Variants in NEIL1 observed in about 807,000 individuals in gnomAD.
NEIL1 encodes nei like DNA glycosylase 1.
A neutral mutation model predicts 44.2 loss-of-function variants in NEIL1; 31 were observed. The ratio of observed to expected loss-of-function variants is 0.70; its 90% CI spans 0.53 to 0.95. The LOEUF (loss-of-function observed/expected upper bound fraction) is 0.95, where lower values mean the gene tolerates loss of function less well. Among genes scored for constraint, NEIL1 ranks in the 40% least tolerant of loss-of-function variants. The pLI, the probability that NEIL1 is intolerant of heterozygous loss-of-function variation, is 0.00. For synonymous variants in NEIL1, 254 were observed against 209.7 expected (o/e 1.21, Z -1.83); for missense variants, 549 against 515.5 (o/e 1.07, Z -0.63).
chr15:75,354,743 A>G lies in NEIL1; in HGVS notation c.1027A>G (p.Thr343Ala), dbSNP rs550360243. ...GACTGCAACCCAGCGGCCTGAGGGG[A>G]CCAGCCTCCAGCAGGACCCAGAAGC... is the stretch of plus-strand genomic sequence containing the variant. ...KRTATQRPEG[T>A]SLQQDPEAPT... The change falls in exon 9 of 10, where the codon ACC (threonine) becomes GCC (alanine). Residue 343 changes from threonine to alanine, a missense_variant. Thr to Ala is a moderately conservative substitution (Grantham distance 58). Transcript: ENST00000355059. 6.2e-7 allele frequency: 1 copy of G among 1,613,562 alleles called. No homozygotes were observed. Among genetic ancestry groups the G allele is most frequent in the East Asian group, 2.2e-5 (1 of 44,888 alleles).
At position 75,349,220 on chromosome 15, in the gene NEIL1, G is replaced by C. The variant is rs560411863; in HGVS notation, c.315G>C (p.Pro105=). ...RHAHLRFYTA[P]PGPRLALCFV... ...CCCACCTGCGCTTTTACACGGCCCC[G>C]CCTGGCCCCCGGCTCGCCCTATGTT... Residue 105 remains proline (P), a synonymous_variant, in exon 2 of 10, where the codon CCG becomes CCC. Transcript: ENST00000355059. 4.5e-5 allele frequency: 72 copies of C among 1,609,640 alleles called. No individual in the cohort carries two copies. The highest frequency in any genetic ancestry group is 4.5e-4 in the East Asian group (20 of 44,874).
chr15:75,349,216 C>T lies in NEIL1; in HGVS notation c.311C>T (p.Ala104Val). The T allele has an allele frequency of 1.2e-6, 2 of 1,609,022 alleles. No individual in the cohort carries two copies. Among genetic ancestry groups the T allele is most frequent in the South Asian group, 2.2e-5 (2 of 91,066 alleles). The change falls in exon 2 of 10, where the codon GCC (alanine) becomes GTC (valine). Residue 104 changes from alanine (A) to valine (V), a missense_variant. Coordinates refer to ENST00000355059, the MANE Select transcript of NEIL1 (RefSeq NM_024608.4). ...PRHAHLRFYT[A>V]PPGPRLALCF... is the part of the protein sequence containing the mutation. ...CATGCCCACCTGCGCTTTTACACGGCCCCGCCTGGCCCCCGGCTCGCCCTA... is the reference window on the plus strand; with the variant it reads ...CATGCCCACCTGCGCTTTTACACGGTCCCGCCTGGCCCCCGGCTCGCCCTA...
At chr15:75,353,393 T>TA (rs1168829540) in intron 5 of NEIL1, 3 of 340,758 alleles carry the variant, frequency 8.8e-6, no homozygotes, top group East Asian at 7.3e-5. Context: ...GGCTAATTGT[T>TA]AAAAATTTTT....
At chr15:75,353,360 T>TACA (rs1021581716) in intron 5 of NEIL1, 2 of 330,484 alleles carry the variant, frequency 6.1e-6, no homozygotes, top group African/African-American at 4.3e-5. Context: ...TAGCTAGGAC[T>TACA]ACAGGCTCAC....
In NEIL1 at chr15:75,354,368, C is replaced by A. The variant is rs1595868379; in HGVS notation, c.875-63C>A. On this transcript the variant is annotated intron_variant, in intron 7 of 9. Coordinates refer to ENST00000355059, the MANE Select transcript of NEIL1 (RefSeq NM_024608.4). ...CACCCTTCTCCACCCTATCCCCCTG[C>A]AACCCTGGGAGTCACCCCTGGGCAG... 4.7e-5 allele frequency: 76 copies of A among 1,611,564 alleles called. No homozygotes were observed. The East Asian group carries it at 1.6e-3, about 34-fold the overall frequency.
At position 75,354,266 on chromosome 15, in the gene NEIL1, T is replaced by TG; in HGVS notation, c.865dup (p.Ala289GlyfsTer20). On this transcript the variant is annotated frameshift_variant, in exon 7 of 10. Coordinates refer to ENST00000355059, the MANE Select transcript of NEIL1 (RefSeq NM_024608.4). LOFTEE classifies it high-confidence loss of function. ...CCATTTTAGGGGGATCCTGGACCGT[T>TG]GGCACCCAAAGGTAAGCTACTCCTA... 5.0e-6 allele frequency: 8 copies of TG among 1,614,138 alleles called. No individual in the cohort carries two copies. The highest frequency in any genetic ancestry group is 6.8e-6 in the Non-Finnish European group (8 of 1,180,000).
Position 75,355,164 on chromosome 15 carries a change from C to A in NEIL1, c.*130C>A. On this transcript the variant is annotated 3_prime_UTR_variant, in exon 10 of 10. Transcript: ENST00000355059. The stretch of plus-strand genomic sequence containing the variant: ...CTACGGCTGTTCCCTGCACAACTCT[C>A]ATGGTTTTAATTGTACCCCATCTTC... The A allele has an allele frequency of 4.3e-6, 3 of 705,652 alleles. No individual in the cohort carries two copies. The highest frequency in any genetic ancestry group is 7.1e-6 in the Non-Finnish European group (3 of 420,014). The allele number at this position is 705,652 out of a possible 1,614,324, so 43.7% of individuals were successfully genotyped here. A position where few individuals can be genotyped will look rare whatever the true frequency, so the allele number is the denominator to read the frequency against.
In NEIL1 at chr15:75,356,406, T is replaced by G; in HGVS notation, c.*1372T>G. 6.2e-7 allele frequency: 1 copy of G among 1,609,702 alleles called. No individual in the cohort carries two copies. Among genetic ancestry groups the G allele is most frequent in the Non-Finnish European group, 8.5e-7 (1 of 1,178,478 alleles). ...CTGGCAGAGCCAACAGGGGGAAGTTTAGGCTGTAGGCAGCTTGGATAACGC... is the reference window on the plus strand; with the variant it reads ...CTGGCAGAGCCAACAGGGGGAAGTTGAGGCTGTAGGCAGCTTGGATAACGC... On this transcript the variant is annotated 3_prime_UTR_variant, in exon 10 of 10. Transcript: ENST00000355059. The surrounding 1 kb of genome is among the most constrained non-coding windows in gnomAD (Gnocchi z 5.8).
intron 7 of NEIL1, 34 bp downstream of exon 7, chr15:75,354,311 C>T: frequency 6.2e-7 from 1 of 1,613,710 alleles, no homozygotes; most frequent in Non-Finnish European, 8.5e-7. Flanking sequence ...GCTAAGAGAG[C>T]AGAAAGGACT....
intron 5 of NEIL1, chr15:75,353,312 A>G: frequency 3.5e-6 from 1 of 287,818 alleles, no homozygotes; most frequent in Non-Finnish European, 7.0e-6. Flanking sequence ...ACTAGCCTCA[A>G]ACTGGGCTCA....
intron 3 of NEIL1, 42 bp downstream of exon 3, chr15:75,352,272 G>C: frequency 6.2e-7 from 1 of 1,614,174 alleles, no homozygotes; most frequent in Non-Finnish European, 8.5e-7. Flanking sequence ...GGTGGGCCAG[G>C]TGTGCCCACA....
At chr15:75,350,346 G>A (rs1218591643) in intron 2 of NEIL1, among the ~76,000 whole-genome samples, 1 of 152,226 alleles carries the variant, frequency 6.6e-6, no homozygotes, top group Admixed American at 6.5e-5. Flanking sequence ...ATAGGATAGG[G>A]GAATGAGAAA....
In NEIL1 at chr15:75,356,224, A is replaced by G; in HGVS notation, c.*1190A>G. Reference sequence around the variant, plus strand: ...GCGCTGGGGGCTGCTCTCCGCCTGCAGAGGAACACGTCTGGTGGGAGGGGC... The same window carrying G: ...GCGCTGGGGGCTGCTCTCCGCCTGCGGAGGAACACGTCTGGTGGGAGGGGC... On this transcript the variant is annotated 3_prime_UTR_variant, in exon 10 of 10. Coordinates refer to ENST00000355059, the MANE Select transcript of NEIL1 (RefSeq NM_024608.4). The surrounding 1 kb of genome is among the most constrained non-coding windows in gnomAD (Gnocchi z 5.8). The G allele has an allele frequency of 6.2e-7, 1 of 1,613,030 alleles. No individual in the cohort carries two copies. The highest frequency in any genetic ancestry group is 8.5e-7 in the Non-Finnish European group (1 of 1,179,768).
In NEIL1 at chr15:75,356,806, G is replaced by A; in HGVS notation, c.*1772G>A. The A allele has an allele frequency of 2.5e-6, 4 of 1,614,098 alleles. No homozygotes were observed. Among genetic ancestry groups the A allele is most frequent in the Non-Finnish European group, 3.4e-6 (4 of 1,180,028 alleles). On this transcript the variant is annotated 3_prime_UTR_variant, in exon 10 of 10. Transcript: ENST00000355059. The surrounding 1 kb of genome is among the most constrained non-coding windows in gnomAD (Gnocchi z 5.8). ...TACCCCACTTACAGCGAGAGGCTGA[G>A]GATGCTGCCTCGCACTGACGCGCCA... is the stretch of plus-strand genomic sequence containing the variant.
intron 2 of NEIL1, chr15:75,349,575 GGAAGCC>G: frequency 1.9e-6 from 1 of 538,444 alleles, no homozygotes; most frequent in Non-Finnish European, 3.3e-6. Context: ...CAGCACTTTG[GGAAGCC>G]GAGGCGGGCA....
intron 9 of NEIL1, 71 bp downstream of exon 9, chr15:75,354,889 G>C: frequency 2.5e-6 from 4 of 1,612,116 alleles, no homozygotes; most frequent in Non-Finnish European, 3.4e-6. Flanking sequence ...AGGAGCGCGT[G>C]TACAAAGGTG....
chr15:75,352,665 CTA>C lies in NEIL1; in HGVS notation c.684_685del (p.Cys229SerfsTer79), dbSNP rs753802123. ...TKLQNPDLLE[L>X]CHSVPKEVVQ... ...GCTGCAGAATCCAGACCTGCTGGAG[CTA>C]TGTCACTCAGTGCCCAAGGAAGTGG... is the stretch of plus-strand genomic sequence containing the variant. On this transcript the variant is annotated frameshift_variant, in exon 5 of 10. Coordinates refer to ENST00000355059, the MANE Select transcript of NEIL1 (RefSeq NM_024608.4). LOFTEE classifies it high-confidence loss of function. 2 of 1,613,146 alleles carry C rather than the reference CTA, an allele frequency of 1.2e-6. No individual in the cohort carries two copies. The highest frequency in any genetic ancestry group is 1.7e-6 in the Non-Finnish European group (2 of 1,179,550).
In NEIL1 at chr15:75,356,671, T is replaced by G. The variant is rs769434805; in HGVS notation, c.*1637T>G. On this transcript the variant is annotated 3_prime_UTR_variant, in exon 10 of 10. Coordinates refer to ENST00000355059, the MANE Select transcript of NEIL1 (RefSeq NM_024608.4). The surrounding 1 kb of genome is among the most constrained non-coding windows in gnomAD (Gnocchi z 5.8). ...CGTGTCAGCAGTAGCGTCCGGGGCTTTAGGCGCCCGCAAGCTGGGGTGAGG... is the reference window on the plus strand; with the variant it reads ...CGTGTCAGCAGTAGCGTCCGGGGCTGTAGGCGCCCGCAAGCTGGGGTGAGG... The G allele has an allele frequency of 1.3e-6, 2 of 1,589,498 alleles. No homozygotes were observed. Among genetic ancestry groups the G allele is most frequent in the African/African-American group, 1.3e-5 (1 of 74,324 alleles).
In NEIL1 at chr15:75,356,680, C is replaced by A; in HGVS notation, c.*1646C>A. On this transcript the variant is annotated 3_prime_UTR_variant, in exon 10 of 10. Coordinates refer to ENST00000355059, the MANE Select transcript of NEIL1 (RefSeq NM_024608.4). The surrounding 1 kb of genome is among the most constrained non-coding windows in gnomAD (Gnocchi z 5.8). Reference sequence around the variant, plus strand: ...AGTAGCGTCCGGGGCTTTAGGCGCCCGCAAGCTGGGGTGAGGAGGGCGCGT... The same window carrying A: ...AGTAGCGTCCGGGGCTTTAGGCGCCAGCAAGCTGGGGTGAGGAGGGCGCGT... The A allele has an allele frequency of 1.3e-6, 2 of 1,594,818 alleles. No homozygotes were observed. Among genetic ancestry groups the A allele is most frequent in the East Asian group, 4.6e-5 (2 of 43,724 alleles).
Sources: gnomAD v4.1 joint callset for allele counts (sites outside exome capture counted in the v4.1 genomes callset) on GRCh38, gnomAD v4.1.1 for gene constraint, Gnocchi (gnomAD v3.1) non-coding constraint, MANE v1.5 for transcripts, NCBI Gene and HGNC (gene_info 2026-07-23, HGNC 2026-07-21) for gene names.